The following PMS2 variants were observed in gnomAD, a reference collection of about 807,000 sequenced individuals.
PMS2 encodes PMS1 homolog 2, mismatch repair system component.
In PMS2, 69 loss-of-function variants were observed where a neutral mutation model predicts 90.0. The observed-to-expected ratio is 0.77, with a 90% CI of 0.63 to 0.94. PMS2 has a LOEUF of 0.94. PMS2 is among the 40% of genes least tolerant of loss of function. The pLI is 0.00. For missense variants in PMS2, 966 were observed against 1,040.2 expected (o/e 0.93, Z 0.98); for synonymous variants, 332 against 375.1 (o/e 0.89, Z 1.33).
chr7:6,004,547 C>G (rs1166203817), intron 2 of PMS2, among the ~76,000 whole-genome samples: 2 of 152,052 alleles, frequency 1.3e-5, no homozygotes, highest in Non-Finnish European at 2.9e-5. Context: ...GAAACCCTGT[C>G]TCTACTAAAA....
intron 8 of PMS2, 118 bp from the exon 9 acceptor site, chr7:5,992,175 T>TG: frequency 2.2e-6 from 1 of 463,740 alleles, no homozygotes; most frequent in South Asian, 2.7e-5. Flanking sequence ...ACTTTTTTGT[T>TG]TTTTTTTTTT....
intron 11 of PMS2, among the ~76,000 whole-genome samples, chr7:5,985,130 C>G (rs1044581516): frequency 6.6e-6 from 1 of 151,800 alleles, no homozygotes; most frequent in Non-Finnish European, 1.5e-5. Flanking sequence ...CAGGGTCTTG[C>G]TCTGTCACCC....
rs63750686 is a variant in PMS2, at chr7:5,987,189, C to T, written c.1576G>A (p.Asp526Asn). ...TCCACATGTTCCTGCGAGCCCCTGT[C>T]CCCTGGGGAGCTGGCCGCATACTCG... ...SSEYAASSPGDRGSQEHVDSQ... is the reference protein window; with the variant it reads ...SSEYAASSPGNRGSQEHVDSQ... The change falls in exon 11 of 15, where the codon GAC becomes AAC. Residue 526 changes from aspartate (D) to asparagine (N), a missense_variant. By Grantham distance (23) the Asp-to-Asn change is conservative. Coordinates refer to ENST00000265849, the MANE Select transcript of PMS2 (RefSeq NM_000535.7). The T allele has an allele frequency of 4.3e-6, 7 of 1,613,884 alleles. No homozygotes were observed. Among genetic ancestry groups the T allele is most frequent in the East Asian group, 2.2e-5 (1 of 44,894 alleles).
chr7:5,978,506 G>C (rs975583287), intron 13 of PMS2, 90 bp downstream of exon 13: 20 of 1,237,250 alleles, frequency 1.6e-5, no homozygotes, highest in Non-Finnish European at 2.3e-5. Context: ...CCTGACCTCA[G>C]GCGATCTGCC....
chr7:5,996,594 T>TAC (rs1784432582), intron 7 of PMS2, among the ~76,000 whole-genome samples: 1 of 97,246 alleles, frequency 1.0e-5, no homozygotes, highest in Non-Finnish European at 2.2e-5. Flanking sequence ...AAAAAAAATA[T>TAC]ATATATATAT....
intron 7 of PMS2, 45 bp downstream of exon 7, chr7:5,997,281 G>T (rs1298254763): frequency 2.1e-6 from 2 of 944,122 alleles, no homozygotes; most frequent in Non-Finnish European, 3.4e-6. Context: ...AAAGCTCTCA[G>T]GATAAAATGT....
chr7:6,005,996 C>T lies in PMS2; in HGVS notation c.59G>A (p.Arg20Gln), dbSNP rs10254120. Residue 20 changes from arginine to glutamine, a missense_variant, in exon 2 of 15, where the codon CGG becomes CAG. Physicochemically the swap from Arg to Gln is conservative, Grantham distance 43. This residue lies in a region of PMS2 where 871 missense variants were observed against 802.4 expected (regional missense o/e 1.09). Coordinates refer to ENST00000265849, the MANE Select transcript of PMS2 (RefSeq NM_000535.7). ...AGAGCAAATCTGATGGACTGACTTC[C>T]GATCAATAGGTTTGATGGCCTTAGC... Reference protein sequence around the residue: ...EPAKAIKPIDRKSVHQICSGQ... With the variant: ...EPAKAIKPIDQKSVHQICSGQ... The T allele has an allele frequency of 0.069, 111,126 of 1,610,336 alleles. 4,147 individuals are homozygous for T. Among genetic ancestry groups the T allele is most frequent in the East Asian group, 0.091 (4,093 of 44,860 alleles).
At chr7:6,007,796 G>A (rs896290659) in intron 1 of PMS2, among the ~76,000 whole-genome samples, 5 of 151,240 alleles carry the variant, frequency 3.3e-5, no homozygotes, top group African/African-American at 1.2e-4. Flanking sequence ...AAAATGGAAA[G>A]AAGTATCTCT....
In PMS2 at chr7:6,004,012, G is replaced by C. The variant is rs1554304997; in HGVS notation, c.210C>G (p.Asp70Glu). The change falls in exon 3 of 15, where the codon GAC becomes GAG. Residue 70 changes from aspartate (D) to glutamate (E), a missense_variant. This residue lies in a region of PMS2 where 871 missense variants were observed against 802.4 expected (regional missense o/e 1.09). Transcript: ENST00000265849. ...TTTCTTCTTCTACCCCACATCCATT[G>C]TCTGAAACTTCAATAAGATCCACTC... ...DYGVDLIEVS[D>E]NGCGVEEENF... 1 of 1,605,130 alleles carries C rather than the reference G, an allele frequency of 6.2e-7. No homozygotes were observed. Among genetic ancestry groups the C allele is most frequent in the Non-Finnish European group, 8.5e-7 (1 of 1,173,710 alleles).
intron 2 of PMS2, among the ~76,000 whole-genome samples, chr7:6,005,511 T>A (rs769322502): frequency 6.6e-6 from 1 of 152,176 alleles, no homozygotes. Flanking sequence ...GCCTACTTTA[T>A]TTTTCAATAG....
intron 6 of PMS2, among the ~76,000 whole-genome samples, chr7:5,998,145 A>G (rs1318204659): frequency 6.7e-6 from 1 of 148,918 alleles, no homozygotes; most frequent in African/African-American, 2.5e-5. Flanking sequence ...GCAGTGGTGC[A>G]ATCTCAGCTC....
chr7:6,008,903 C>G, intron 1 of PMS2, 94 bp downstream of exon 1: 1 of 1,478,360 alleles, frequency 6.8e-7, no homozygotes, highest in Non-Finnish European at 9.5e-7. Context: ...CGCGCCTCGG[C>G]CATGTTCCCC....
rs761185096 is a variant in PMS2, at chr7:5,989,985, T to C, written c.989-30A>G. 3.3e-5 allele frequency: 46 copies of C among 1,395,512 alleles called. No homozygotes were observed. Among genetic ancestry groups the C allele is most frequent in the Middle Eastern group, 2.3e-4 (1 of 4,386 alleles). 86.4% of individuals were successfully genotyped at this position (1,395,512 alleles called of 1,614,324 possible). ...GGCAAAAAAGAAAACATATTTATTA[T>C]GTTTAAATTCACTTTTATTTTATTT... On this transcript the variant is annotated intron_variant, in intron 9 of 14. Transcript: ENST00000265849.
In PMS2 at chr7:5,995,608, T is replaced by A. The variant is rs1583364586; in HGVS notation, c.829A>T (p.Thr277Ser). The change falls in exon 8 of 15, where the codon ACG (threonine) becomes TCG (serine). Residue 277 changes from threonine (T) to serine (S), a missense_variant. Transcript: ENST00000265849. ...FYISGFISQCTHGVGRSSTDR... is the reference protein window; with the variant it reads ...FYISGFISQCSHGVGRSSTDR... ...GTTGAACTCCTTCCAACTCCATGCG[T>A]GCATTGTGAAATGAAACCTGAGATG... 1.2e-6 allele frequency: 2 copies of A among 1,613,606 alleles called. No homozygotes were observed. Among genetic ancestry groups the A allele is most frequent in the Non-Finnish European group, 1.7e-6 (2 of 1,179,536 alleles).
intron 8 of PMS2, 77 bp downstream of exon 8, chr7:5,995,457 G>T: frequency 2.3e-6 from 2 of 864,324 alleles, no homozygotes; most frequent in Non-Finnish European, 2.0e-6. Context: ...CACGTAAACT[G>T]CCTATTATCA....
rs1783495585 is a variant in PMS2 at position 5,989,694 on chromosome 7, T to C, written c.1144+106A>G. 3.7e-6 allele frequency: 3 copies of C among 821,746 alleles called. No homozygotes were observed. In the South Asian group the frequency reaches 4.7e-5, roughly 13 times the overall value. 50.9% of individuals were successfully genotyped at this position (821,746 alleles called of 1,614,324 possible). On this transcript the variant is annotated intron_variant, in intron 10 of 14. Transcript: ENST00000265849. ...AAAAGAATTAAAAATGATAAAATAA[T>C]ATAAGAGACTTTGTTTTCATGTCAA... is the stretch of plus-strand genomic sequence containing the variant.
chr7:5,982,547 G>C (rs58032887), intron 12 of PMS2, among the ~76,000 whole-genome samples: 7,650 of 152,020 alleles, frequency 0.05, 292 homozygotes, highest in East Asian at 0.32. Flanking sequence ...ACGTTGGCCA[G>C]GCTGGTCTCC....
intron 8 of PMS2, among the ~76,000 whole-genome samples, chr7:5,992,791 CAA>C (rs1783914592): frequency 6.6e-6 from 1 of 152,222 alleles, no homozygotes; most frequent in Admixed American, 6.5e-5. Context: ...CTCACAATCT[CAA>C]AGTGATATTT....
In PMS2 at chr7:5,999,316, A is replaced by ATATTATAGGAAT. The variant is rs775465039; in HGVS notation, c.538-53_538-42dup. 2.6e-4 allele frequency: 406 copies of ATATTATAGGAAT among 1,555,556 alleles called. No homozygotes were observed. Among genetic ancestry groups the ATATTATAGGAAT allele is most frequent in the Middle Eastern group, 6.7e-4 (4 of 5,970 alleles). On this transcript the variant is annotated intron_variant, in intron 5 of 14. Coordinates refer to ENST00000265849, the MANE Select transcript of PMS2 (RefSeq NM_000535.7). Reference sequence around the variant, plus strand: ...AAACACAATATTCTACATTACTTTAATATTATAGGAATTACACAGCTCAAG... The same window carrying ATATTATAGGAAT: ...AAACACAATATTCTACATTACTTTAATATTATAGGAATTATTATAGGAATTACACAGCTCAAG...
Sources: gnomAD v4.1 joint callset for allele counts (sites outside exome capture counted in the v4.1 genomes callset) on GRCh38, gnomAD v4.1.1 for gene constraint, gnomAD v4.1.1 regional missense constraint, MANE v1.5 for transcripts, NCBI Gene and HGNC (gene_info 2026-07-23, HGNC 2026-07-21) for gene names.